The following GNAQ variants were observed in gnomAD, a reference collection of about 807,000 sequenced individuals.
GNAQ encodes G protein subunit alpha q, also known as guanine nucleotide-binding protein G(q) subunit alpha.
In GNAQ, 8 loss-of-function variants were observed where a neutral mutation model predicts 43.9. The observed-to-expected ratio is 0.18, with a 90% CI of 0.11 to 0.33. The LOEUF (loss-of-function observed/expected upper bound fraction) is 0.33. Among genes scored for constraint, GNAQ ranks in the 10% least tolerant of loss-of-function variants. The pLI is 1.00. For synonymous variants in GNAQ, 155 were observed against 170.7 expected (o/e 0.91, Z 0.71); for missense variants, 158 against 450.8 (o/e 0.35, Z 5.88).
At chr9:77,830,828 G>C (rs1827286173) in intron 2 of GNAQ, among the ~76,000 whole-genome samples, 2 of 94,996 alleles carry the variant, frequency 2.1e-5, no homozygotes, top group South Asian at 7.7e-4. Flanking sequence ...CCACTGTTAA[G>C]GTGTTATACC....
chr9:77,927,183 G>A (rs1829082675), intron 1 of GNAQ, among the ~76,000 whole-genome samples: 1 of 152,092 alleles, frequency 6.6e-6, no homozygotes, highest in Non-Finnish European at 1.5e-5. Context: ...TTTACTCTAT[G>A]TGTCTGATTC....
At chr9:78,012,664 C>T (rs1338925625) in intron 1 of GNAQ, among the ~76,000 whole-genome samples, 1 of 151,928 alleles carries the variant, frequency 6.6e-6, no homozygotes, top group Non-Finnish European at 1.5e-5. Context: ...TGGTGATAAG[C>T]ATTTAAACAC....
chr9:77,772,535 GAATA>G (rs1826242176), intron 5 of GNAQ, among the ~76,000 whole-genome samples: 1 of 152,146 alleles, frequency 6.6e-6, no homozygotes, highest in Non-Finnish European at 1.5e-5. Flanking sequence ...TTTTGGAGTG[GAATA>G]GAAACTCCCT....
At chr9:77,853,789 A>AAC (rs1238200604) in intron 2 of GNAQ, among the ~76,000 whole-genome samples, 26 of 150,762 alleles carry the variant, frequency 1.7e-4, no homozygotes, top group Non-Finnish European at 1.9e-4. Flanking sequence ...AAAAAAAAAA[A>AAC]AAAAAAAAAA....
At chr9:77,971,215 T>C (rs978976838) in intron 1 of GNAQ, among the ~76,000 whole-genome samples, 4 of 152,178 alleles carry the variant, frequency 2.6e-5, no homozygotes, top group African/African-American at 9.7e-5. Flanking sequence ...GAGGAGCTGA[T>C]ACCATTCCTT....
At chr9:77,754,914 A>C (rs914992117) in intron 5 of GNAQ, among the ~76,000 whole-genome samples, 1 of 152,234 alleles carries the variant, frequency 6.6e-6, no homozygotes, top group African/African-American at 2.4e-5. Flanking sequence ...AGTGTATCAA[A>C]AAGATATCTT....
At chr9:77,962,706 A>G (rs961427411) in intron 1 of GNAQ, among the ~76,000 whole-genome samples, 7 of 152,006 alleles carry the variant, frequency 4.6e-5, no homozygotes, top group African/African-American at 1.7e-4. Context: ...CCTGGCCAAC[A>G]TGGTGAAACC....
intron 1 of GNAQ, among the ~76,000 whole-genome samples, chr9:77,960,717 A>G (rs1246263087): frequency 6.6e-6 from 1 of 152,228 alleles, no homozygotes; most frequent in Admixed American, 6.5e-5. Context: ...CATTTACAAA[A>G]GATGGGAAAA....
rs995948635 is a variant in GNAQ at position 77,810,997 on chromosome 9, AT to A, written c.476+4618del. ...GGCATGCTTGGCCTCTGCTCCCAGT[AT>A]TTTTTTAAGTCGCTTGCACTGAATC... On this transcript the variant is annotated intron_variant, in intron 3 of 6. Coordinates refer to ENST00000286548, the MANE Select transcript of GNAQ (RefSeq NM_002072.5). Among the ~76,000 whole-genome samples, 14 of 152,232 alleles carry A rather than the reference AT, an allele frequency of 9.2e-5. 2 individuals carry two copies. In the South Asian group the frequency reaches 2.3e-3, roughly 25 times the overall value.
chr9:77,815,097 C>G (rs574541024), intron 3 of GNAQ, among the ~76,000 whole-genome samples: 1 of 152,256 alleles, frequency 6.6e-6, no homozygotes, highest in Admixed American at 6.5e-5. Context: ...AAAGGAAAAC[C>G]TATCCATCAA....
At chr9:77,821,845 GA>G (rs546567368) in intron 2 of GNAQ, among the ~76,000 whole-genome samples, 47 of 151,688 alleles carry the variant, frequency 3.1e-4, no homozygotes, top group Non-Finnish European at 5.2e-4. Context: ...TAAAAAAATT[GA>G]AAAGAGAGAT....
At chr9:78,008,743 C>T (rs1823738118) in intron 1 of GNAQ, among the ~76,000 whole-genome samples, 1 of 152,162 alleles carries the variant, frequency 6.6e-6, no homozygotes, top group South Asian at 2.1e-4. Flanking sequence ...CTCAGCCTTT[C>T]AAGTAGCTGG....
In GNAQ at chr9:77,731,186, T is replaced by C. The variant is rs1252299981; in HGVS notation, c.736-2519A>G. Among the ~76,000 whole-genome samples, 4 of 152,136 alleles carry C rather than the reference T, an allele frequency of 2.6e-5. No individual in the cohort carries two copies. The East Asian group carries it at 5.8e-4, about 22-fold the overall frequency. ...CTTTCAAGGGGAAGTGACTAGACTA[T>C]GTGCAGAGACAGGGAGGGGAAGTGA... On this transcript the variant is annotated intron_variant, in intron 5 of 6. Transcript: ENST00000286548.
At chr9:77,844,973 A>G (rs1827559188) in intron 2 of GNAQ, among the ~76,000 whole-genome samples, 1 of 152,202 alleles carries the variant, frequency 6.6e-6, no homozygotes, top group Non-Finnish European at 1.5e-5. Flanking sequence ...GTATAAAACA[A>G]AATTAGAAAT....
chr9:77,832,909 A>G (rs562332592), intron 2 of GNAQ, among the ~76,000 whole-genome samples: 1 of 152,306 alleles, frequency 6.6e-6, no homozygotes, highest in South Asian at 2.1e-4. Flanking sequence ...TCAATTTCAC[A>G]GGAAGACACT....
chr9:77,805,457 T>C lies in GNAQ; in HGVS notation c.477-7809A>G, dbSNP rs149318742. On this transcript the variant is annotated intron_variant, in intron 3 of 6. Coordinates refer to ENST00000286548, the MANE Select transcript of GNAQ (RefSeq NM_002072.5). ...TCTCGCTCTGTCGCCCAGGCTGGAG[T>C]GCAATGGCATGATCTTGGCTCACTG... Among the ~76,000 whole-genome samples the C allele has an allele frequency of 1.7e-3, 259 of 151,946 alleles. 1 individual carries two copies. Among genetic ancestry groups the C allele is most frequent in the African/African-American group, 5.9e-3 (244 of 41,430 alleles).
intron 1 of GNAQ, among the ~76,000 whole-genome samples, chr9:77,981,387 T>C (rs1052273780): frequency 2.0e-5 from 3 of 152,220 alleles, no homozygotes; most frequent in Admixed American, 1.3e-4. Flanking sequence ...TTTCTAAATA[T>C]ACCTTCTGAG....
At chr9:77,782,272 G>A (rs962721130) in intron 5 of GNAQ, among the ~76,000 whole-genome samples, 2 of 152,010 alleles carry the variant, frequency 1.3e-5, no homozygotes, top group Non-Finnish European at 2.9e-5. Context: ...CTTTTAAAAT[G>A]TAACAATTAA....
intron 6 of GNAQ, 77 bp downstream of exon 6, chr9:77,728,437 T>C (rs1825433873): frequency 4.1e-6 from 4 of 968,656 alleles, no homozygotes; most frequent in Non-Finnish European, 5.0e-6. Flanking sequence ...TGCACTGTAG[T>C]GCGTTAACTC....
Sources: gnomAD v4.1 joint callset for allele counts (sites outside exome capture counted in the v4.1 genomes callset) on GRCh38, gnomAD v4.1.1 for gene constraint, MANE v1.5 for transcripts, NCBI Gene and HGNC (gene_info 2026-07-23, HGNC 2026-07-21) for gene names.